Variants in RBBP7 observed in about 807,000 individuals in gnomAD.
RBBP7 encodes the protein RB binding protein 7, chromatin remodeling factor.
A neutral mutation model predicts 35.2 loss-of-function variants in RBBP7; 5 were observed. The observed-to-expected ratio is 0.14, with a 90% CI of 0.07 to 0.30. The LOEUF (loss-of-function observed/expected upper bound fraction) is 0.30. Among genes scored for constraint, RBBP7 ranks in the 10% least tolerant of loss-of-function variants. RBBP7 has a pLI of 1.00. For missense variants in RBBP7, 155 were observed against 327.5 expected (o/e 0.47, Z 4.07); for synonymous variants, 140 against 118.7 (o/e 1.18, Z -1.17).
chrX:16,845,806 C>G, intron 11 of RBBP7, 22 bp downstream of exon 11: 1 of 1,188,657 alleles, frequency 8.4e-7, no homozygotes, highest in East Asian at 3.0e-5. Flanking sequence ...GACAGTCATT[C>G]AAGAAAAACA....
At chrX:16,857,525 C>T in intron 5 of RBBP7, 69 bp downstream of exon 5, 7 of 1,191,087 alleles carry the variant, frequency 5.9e-6, no homozygotes, top group Non-Finnish European at 7.9e-6. Flanking sequence ...CTATATAGTA[C>T]TCCTTCAGCA....
intron 2 of RBBP7, among the ~76,000 whole-genome samples, 194 bp from the exon 3 acceptor site, chrX:16,863,294 C>A (rs1455158028): frequency 8.9e-6 from 1 of 111,978 alleles, no homozygotes; most frequent in Non-Finnish European, 1.9e-5. Flanking sequence ...AATATTCTAG[C>A]TACAACATGC....
At chrX:16,863,198 T>C in intron 2 of RBBP7, 98 bp from the exon 3 acceptor site, 2 of 850,057 alleles carry the variant, frequency 2.4e-6, no homozygotes, top group Non-Finnish European at 3.3e-6. Context: ...CATATTTCTT[T>C]AGCAAATATA....
chrX:16,862,185 T>C (rs932555210), intron 3 of RBBP7, among the ~76,000 whole-genome samples: 1 of 111,937 alleles, frequency 8.9e-6, no homozygotes, highest in Admixed American at 9.5e-5. Flanking sequence ...TCCCTGAACT[T>C]GCCGATGTAC....
chrX:16,867,841 G>T (rs1156585955), intron 2 of RBBP7, among the ~76,000 whole-genome samples: 51 of 95,464 alleles, frequency 5.3e-4, no homozygotes, highest in East Asian at 2.9e-3. Context: ...GCCACGCCCG[G>T]TTTTTTTTTT....
chrX:16,852,303 C>CA, intron 8 of RBBP7, 181 bp from the exon 9 acceptor site: 1 of 527,157 alleles, frequency 1.9e-6, no homozygotes, highest in Non-Finnish European at 3.2e-6. Context: ...ATCCTGTCCT[C>CA]AGGAAGGCTG....
chrX:16,869,873 C>T, intron 1 of RBBP7, 165 bp downstream of exon 1: 1 of 825,148 alleles, frequency 1.2e-6, no homozygotes, highest in South Asian at 6.5e-5. Context: ...CTCGGCGCGG[C>T]GGTCCCGTCC....
intron 5 of RBBP7, among the ~76,000 whole-genome samples, chrX:16,854,486 C>T (rs1930297518): frequency 9.0e-6 from 1 of 111,124 alleles, no homozygotes; most frequent in Non-Finnish European, 1.9e-5. Flanking sequence ...GAGCCCGGCG[C>T]TCAGCATCTA....
intron 2 of RBBP7, among the ~76,000 whole-genome samples, chrX:16,864,657 T>C (rs1369553499): frequency 9.0e-6 from 1 of 110,500 alleles, no homozygotes; most frequent in Admixed American, 9.6e-5. Context: ...TTTATATGTA[T>C]GTAGGGGGCA....
intron 3 of RBBP7, among the ~76,000 whole-genome samples, chrX:16,862,662 C>T (rs773473874): frequency 9.0e-6 from 1 of 111,455 alleles, no homozygotes; most frequent in Non-Finnish European, 1.9e-5. Flanking sequence ...GGATTATAGG[C>T]GTGAGCCATG....
At chrX:16,862,012 CTGGT>C (rs749822501) in intron 3 of RBBP7, among the ~76,000 whole-genome samples, 2 of 111,768 alleles carry the variant, frequency 1.8e-5, no homozygotes, top group African/African-American at 3.3e-5. Context: ...GTTGCTGTGG[CTGGT>C]TGTCAGCAGG....
intron 2 of RBBP7, among the ~76,000 whole-genome samples, chrX:16,868,630 G>A (rs1019871651): frequency 1.8e-5 from 2 of 112,436 alleles, no homozygotes; most frequent in Admixed American, 9.4e-5. Flanking sequence ...TTGTTGACAA[G>A]GTCTTTTTCC....
chrX:16,855,363 T>C (rs1266062695), intron 5 of RBBP7, among the ~76,000 whole-genome samples: 2 of 112,517 alleles, frequency 1.8e-5, no homozygotes, highest in Non-Finnish European at 3.8e-5. Context: ...CATGAAGGAC[T>C]TTCTGTAACA....
Position 16,853,859 on chromosome X carries a change from G to GAA in RBBP7, c.598-19_598-18dup. The stretch of plus-strand genomic sequence containing the variant: ...ACAAACAGTCTAAGAGAGAAGGAGA[G>GAA]AAAAAAAAAAGAACAAGGGCTATAA... On this transcript the variant is annotated splice_polypyrimidine_tract_variant and intron_variant, in intron 5 of 11. Coordinates refer to ENST00000380087, the MANE Select transcript of RBBP7 (RefSeq NM_002893.4). 13 of 910,808 alleles carry GAA rather than the reference G, an allele frequency of 1.4e-5. No individual in the cohort carries two copies. The highest frequency in any genetic ancestry group is 9.8e-5 in the South Asian group (3 of 30,505). 75.1% of individuals were successfully genotyped at this position (910,808 alleles called of 1,213,427 possible).
chrX:16,869,601 G>T, intron 1 of RBBP7: 1 of 1,164,544 alleles, frequency 8.6e-7, no homozygotes, highest in South Asian at 1.9e-5. Flanking sequence ...ATCCCCATCA[G>T]GGGAGGCCCC....
intron 2 of RBBP7, among the ~76,000 whole-genome samples, chrX:16,866,634 T>C (rs1216316477): frequency 3.7e-5 from 4 of 107,915 alleles, no homozygotes; most frequent in Non-Finnish European, 5.7e-5. Flanking sequence ...CTAACTCAAT[T>C]GAAGGACAAT....
At position 16,844,782 on chromosome X, in the gene RBBP7, C is replaced by A; in HGVS notation, c.*253G>T. 1 of 267,230 alleles carries A rather than the reference C, an allele frequency of 3.7e-6. No individual in the cohort carries two copies. Among genetic ancestry groups the A allele is most frequent in the South Asian group, 1.9e-4 (1 of 5,143 alleles). The allele number at this position is 267,230 out of a possible 1,213,427, so 22.0% of individuals were successfully genotyped here. A position where few individuals can be genotyped will look rare whatever the true frequency, so the allele number is the denominator to read the frequency against. ...AAATGAGGACTTAAAACAGTTGAAT[C>A]AAAGGCAATACCCTGCTACTTGTAT... is the stretch of plus-strand genomic sequence containing the variant. On this transcript the variant is annotated 3_prime_UTR_variant, in exon 12 of 12. Coordinates refer to ENST00000380087, the MANE Select transcript of RBBP7 (RefSeq NM_002893.4).
chrX:16,854,688 G>C (rs1215638571), intron 5 of RBBP7, among the ~76,000 whole-genome samples: 1 of 109,650 alleles, frequency 9.1e-6, no homozygotes, highest in Non-Finnish European at 1.9e-5. Context: ...TCTACTCTGA[G>C]AGGTCAAGGC....
intron 2 of RBBP7, among the ~76,000 whole-genome samples, chrX:16,863,714 C>T (rs993847391): frequency 4.5e-5 from 5 of 112,238 alleles, no homozygotes; most frequent in South Asian, 3.7e-4. Flanking sequence ...AACTCACTGA[C>T]GTTTATGATA....
Sources: allele counts gnomAD v4.1 joint callset (sites outside exome capture counted in the v4.1 genomes callset), GRCh38; gene constraint gnomAD v4.1.1; transcripts MANE v1.5; gene names NCBI Gene and HGNC (gene_info 2026-07-23, HGNC 2026-07-21).